The following ATF7IP variants were observed in gnomAD, a reference collection of about 807,000 sequenced individuals.
ATF7IP encodes the protein activating transcription factor 7 interacting protein.
Under a neutral mutation model 106.4 loss-of-function variants are expected in ATF7IP, and 23 were observed. The observed-to-expected ratio is 0.22, with a 90% confidence interval of 0.16 to 0.31. ATF7IP has a LOEUF of 0.31. ATF7IP is among the 10% of genes least tolerant of loss of function. The pLI is 1.00. For synonymous variants in ATF7IP, 542 were observed against 539.0 expected (o/e 1.01, Z -0.08); for missense variants, 1,334 against 1,524.3 (o/e 0.88, Z 2.08).
At chr12:14,404,983 A>G (rs186425416) in intron 1 of ATF7IP, among the ~76,000 whole-genome samples, 80 of 152,322 alleles carry the variant, frequency 5.3e-4, no homozygotes, top group African/African-American at 1.7e-3. Flanking sequence ...CTTAAAATAT[A>G]TTAAACTTTT....
chr12:14,425,594 T>C (rs900263395), intron 2 of ATF7IP, 121 bp downstream of exon 2: 63 of 970,140 alleles, frequency 6.5e-5, no homozygotes, highest in Non-Finnish European at 8.6e-5. Context: ...TGGTGATGAC[T>C]CTATAGAAAG....
rs977138387 is a variant in ATF7IP, at chr12:14,446,910, A to G, written c.1930-78A>G. 19 of 1,021,032 alleles carry G rather than the reference A, an allele frequency of 1.9e-5. No individual in the cohort carries two copies. The African/African-American group carries it at 3.6e-4, about 19-fold the overall frequency. 63.2% of individuals were successfully genotyped at this position (1,021,032 alleles called of 1,614,324 possible). ...TCCTGTTTTCTATAGGTTTCTTTTT[A>G]TATATTCATGGTTTTTTTTTTTAAT... On this transcript the variant is annotated intron_variant, in intron 5 of 14. Coordinates refer to ENST00000261168, the MANE Select transcript of ATF7IP (RefSeq NM_018179.5).
At chr12:14,410,801 A>G (rs1040087618) in intron 1 of ATF7IP, among the ~76,000 whole-genome samples, 3 of 152,168 alleles carry the variant, frequency 2.0e-5, no homozygotes, top group Non-Finnish European at 4.4e-5. Flanking sequence ...GTTCAGTACT[A>G]TCCAGTTTCA....
At position 14,498,798 on chromosome 12, in the gene ATF7IP, T is replaced by C. The variant is rs1287318689; in HGVS notation, c.*725T>C. 6.6e-6 allele frequency: 1 copy of C among 152,602 alleles called. No individual in the cohort carries two copies. Among genetic ancestry groups the C allele is most frequent in the Non-Finnish European group, 1.5e-5 (1 of 68,066 alleles). 9.5% of individuals were successfully genotyped at this position (152,602 alleles called of 1,614,324 possible). On this transcript the variant is annotated 3_prime_UTR_variant, in exon 15 of 15. Transcript: ENST00000261168. ...TTGCTTAGTCTTCCCTTGCAGCCTTTTACCCTTGATTTCTCCTTCATCTCT... is the reference window on the plus strand; with the variant it reads ...TTGCTTAGTCTTCCCTTGCAGCCTTCTACCCTTGATTTCTCCTTCATCTCT...
chr12:14,451,599 C>G (rs1186665460), intron 6 of ATF7IP, among the ~76,000 whole-genome samples: 3 of 150,314 alleles, frequency 2.0e-5, no homozygotes, highest in Admixed American at 2.0e-4. Flanking sequence ...TTGTAATTTA[C>G]CTTCTTCTTT....
intron 1 of ATF7IP, among the ~76,000 whole-genome samples, chr12:14,417,545 A>C (rs1445696759): frequency 6.6e-6 from 1 of 152,108 alleles, no homozygotes; most frequent in Non-Finnish European, 1.5e-5. Flanking sequence ...TTAAAAAGAA[A>C]TTTACATTTG....
chr12:14,376,432 G>GGTCT (rs904041003), intron 1 of ATF7IP, among the ~76,000 whole-genome samples: 2 of 152,156 alleles, frequency 1.3e-5, no homozygotes, highest in African/African-American at 4.8e-5. Context: ...GATTCACATA[G>GGTCT]GTCTAATGAG....
At chr12:14,370,685 T>A (rs1938496081) in intron 1 of ATF7IP, among the ~76,000 whole-genome samples, 1 of 152,166 alleles carries the variant, frequency 6.6e-6, no homozygotes, top group Non-Finnish European at 1.5e-5. Flanking sequence ...TTGTGGTATC[T>A]GTGACTTTTC....
intron 1 of ATF7IP, among the ~76,000 whole-genome samples, chr12:14,412,611 C>G (rs1290255826): frequency 6.6e-6 from 1 of 151,960 alleles, no homozygotes; most frequent in Non-Finnish European, 1.5e-5. Context: ...TTATAGTGAA[C>G]TTTGTTAAAC....
In ATF7IP at chr12:14,447,815, A is replaced by G. The variant is rs527422140; in HGVS notation, c.1995+762A>G. On this transcript the variant is annotated intron_variant, in intron 6 of 14. Transcript: ENST00000261168. Reference sequence around the variant, plus strand: ...TTTATGCTTTAATTGTAATATACAGAGATTAGATTAAGTCACTTTATTGAC... The same window carrying G: ...TTTATGCTTTAATTGTAATATACAGGGATTAGATTAAGTCACTTTATTGAC... 2.0e-5 allele frequency among the ~76,000 whole-genome samples: 3 copies of G among 152,200 alleles called. No homozygotes were observed. In the East Asian group the frequency reaches 5.8e-4, roughly 29 times the overall value.
chr12:14,411,763 C>T (rs184229196), intron 1 of ATF7IP, among the ~76,000 whole-genome samples: 24 of 151,748 alleles, frequency 1.6e-4, no homozygotes, highest in South Asian at 4.2e-4. Flanking sequence ...CTTTGCAGCA[C>T]GAACAGTTTT....
chr12:14,428,919 A>G (rs1487838258), intron 2 of ATF7IP, among the ~76,000 whole-genome samples: 6 of 152,194 alleles, frequency 3.9e-5, no homozygotes, highest in Non-Finnish European at 2.9e-5. Context: ...GTATTATGTT[A>G]TAACTAATAC....
intron 5 of ATF7IP, among the ~76,000 whole-genome samples, chr12:14,438,696 G>A (rs1166584139): frequency 2.0e-5 from 3 of 152,136 alleles, no homozygotes; most frequent in Non-Finnish European, 4.4e-5. Flanking sequence ...AAGGACACCA[G>A]TCATTGGAGT....
intron 1 of ATF7IP, among the ~76,000 whole-genome samples, chr12:14,368,131 A>G (rs1591746288): frequency 6.6e-6 from 1 of 152,200 alleles, no homozygotes; most frequent in Non-Finnish European, 1.5e-5. Context: ...AAACTTATTC[A>G]TTATAGAACA....
chr12:14,453,367 T>A (rs1943281652), intron 6 of ATF7IP, among the ~76,000 whole-genome samples: 2 of 152,206 alleles, frequency 1.3e-5, no homozygotes, highest in African/African-American at 4.8e-5. Context: ...TTCTTAGCTT[T>A]TTTTCATTCT....
intron 1 of ATF7IP, among the ~76,000 whole-genome samples, chr12:14,377,342 A>C (rs1036841998): frequency 2.1e-5 from 3 of 145,400 alleles, no homozygotes; most frequent in African/African-American, 5.1e-5. Context: ...TACGGTTACA[A>C]ATTTGATTTA....
intron 11 of ATF7IP, 37 bp downstream of exon 11, chr12:14,476,005 T>A: frequency 6.6e-7 from 1 of 1,513,932 alleles, no homozygotes; most frequent in Non-Finnish European, 9.2e-7. Context: ...AACGTTTTGA[T>A]ACCATTTTTT....
At chr12:14,479,568 G>A (rs1944367910) in intron 12 of ATF7IP, among the ~76,000 whole-genome samples, 1 of 152,114 alleles carries the variant, frequency 6.6e-6, no homozygotes, top group Admixed American at 6.5e-5. Flanking sequence ...TAGGAATCAG[G>A]ATGTTTTCCA....
chr12:14,493,108 C>A (rs1444653904), intron 13 of ATF7IP, among the ~76,000 whole-genome samples: 1 of 152,054 alleles, frequency 6.6e-6, no homozygotes, highest in African/African-American at 2.4e-5. Flanking sequence ...ACTAACCAAG[C>A]AAATAACCTA....
Sources: gnomAD v4.1 joint callset for allele counts (sites outside exome capture counted in the v4.1 genomes callset) on GRCh38, gnomAD v4.1.1 for gene constraint, MANE v1.5 for transcripts, NCBI Gene and HGNC (gene_info 2026-07-23, HGNC 2026-07-21) for gene names.